FALEC: variants seen among roughly 807,000 people sequenced by gnomAD.
The protein encoded by FALEC is focally amplified lncRNA regulator of ECM1, also known as focally amplified lncRNA on chromosome 1.
At chr1:150,526,386 A>G in the FALEC span, among the ~76,000 whole-genome samples, 2 of 150,248 alleles carry the variant, frequency 1.3e-5, no homozygotes, top group Non-Finnish European at 3.0e-5. Flanking sequence ...TTTTGTAGAG[A>G]CAGGGTCTCG....
At chr1:150,529,453 G>A in the FALEC span, among the ~76,000 whole-genome samples, 3 of 152,222 alleles carry the variant, frequency 2.0e-5, no homozygotes, top group Non-Finnish European at 4.4e-5. Context: ...TGTTTTCCTT[G>A]TCCCCAAAAT....
downstream of FALEC, among the ~76,000 whole-genome samples, chr1:150,522,864 T>C (rs866890689): frequency 2.2e-3 from 227 of 103,276 alleles, 8 homozygotes; most frequent in Middle Eastern, 0.029. Context: ...TATATATATA[T>C]ACGTATATAT....
the FALEC span, among the ~76,000 whole-genome samples, chr1:150,523,790 A>G: frequency 3.9e-5 from 6 of 152,068 alleles, no homozygotes; most frequent in Non-Finnish European, 8.8e-5. Flanking sequence ...ATTTTATTTT[A>G]CAAGGCAGAA....
chr1:150,516,435 T>C (rs1373434918), intron 1 of FALEC, among the ~76,000 whole-genome samples: 1 of 152,170 alleles, frequency 6.6e-6, no homozygotes, highest in Non-Finnish European at 1.5e-5. Context: ...CGGAGAGCAC[T>C]TGTAAGCTAC....
chr1:150,525,465 C>A, the FALEC span, among the ~76,000 whole-genome samples: 7 of 151,854 alleles, frequency 4.6e-5, no homozygotes, highest in Non-Finnish European at 5.9e-5. Flanking sequence ...AAAAAACAAA[C>A]AAACAAACAA....
At chr1:150,527,780 G>A in the FALEC span, among the ~76,000 whole-genome samples, 5 of 152,046 alleles carry the variant, frequency 3.3e-5, no homozygotes, top group Admixed American at 1.3e-4. Context: ...AACCCGAGAG[G>A]CGGAGGTTTC....
At chr1:150,532,843 G>C in the FALEC span, among the ~76,000 whole-genome samples, 1 of 152,170 alleles carries the variant, frequency 6.6e-6, no homozygotes, top group African/African-American at 2.4e-5. Context: ...GTGCAACAGA[G>C]AAAAAGGGTG....
the FALEC span, among the ~76,000 whole-genome samples, chr1:150,534,236 A>G: frequency 6.6e-6 from 1 of 152,150 alleles, no homozygotes; most frequent in Non-Finnish European, 1.5e-5. Context: ...GAGCCCAAGG[A>G]GGCTGCAGCT....
At chr1:150,535,791 G>A in the FALEC span, among the ~76,000 whole-genome samples, 1 of 152,172 alleles carries the variant, frequency 6.6e-6, no homozygotes, top group Non-Finnish European at 1.5e-5. Context: ...CCACAAAAGG[G>A]CCCCAGAGTC....
chr1:150,523,125 C>G, the FALEC span, among the ~76,000 whole-genome samples: 1 of 142,958 alleles, frequency 7.0e-6, no homozygotes, highest in Admixed American at 7.1e-5. Flanking sequence ...GTAGCTGGGA[C>G]TACAGGCATG....
chr1:150,532,341 C>G, the FALEC span, among the ~76,000 whole-genome samples: 1 of 152,190 alleles, frequency 6.6e-6, no homozygotes, highest in African/African-American at 2.4e-5. Context: ...CCTGGGACCA[C>G]AGAGTTGGCT....
chr1:150,529,036 A>AAAAAAAAAAAAAAAAAAAAAG, the FALEC span, among the ~76,000 whole-genome samples: 1 of 150,998 alleles, frequency 6.6e-6, no homozygotes, highest in African/African-American at 2.5e-5. Context: ...AAAAAAAAAA[A>AAAAAAAAAAAAAAAAAAAAAG]AAATCAAAGG....
chr1:150,523,022 C>T (rs1416909792), downstream of FALEC, among the ~76,000 whole-genome samples: 2 of 107,516 alleles, frequency 1.9e-5, no homozygotes, highest in Non-Finnish European at 3.6e-5. Context: ...CTTGCTCTGT[C>T]ACCCAGGCTG....
At chr1:150,520,252 C>T (rs193005074), downstream of FALEC, among the ~76,000 whole-genome samples, 539 of 152,284 alleles carry the variant, frequency 3.5e-3, 6 homozygotes, top group Middle Eastern at 0.017. Context: ...ATTGTACAAC[C>T]GTCACCACTA....
downstream of FALEC, among the ~76,000 whole-genome samples, chr1:150,520,251 C>T (rs1406775547): frequency 6.6e-6 from 1 of 152,148 alleles, no homozygotes; most frequent in Non-Finnish European, 1.5e-5. Flanking sequence ...TATTGTACAA[C>T]CGTCACCACT....
At chr1:150,523,095 C>T in the FALEC span, among the ~76,000 whole-genome samples, 1 of 139,466 alleles carries the variant, frequency 7.2e-6, no homozygotes, top group African/African-American at 2.7e-5. Flanking sequence ...TCAAGCGATT[C>T]TCCTGCCTCA....
At chr1:150,528,733 C>T in the FALEC span, among the ~76,000 whole-genome samples, 1 of 151,714 alleles carries the variant, frequency 6.6e-6, no homozygotes, top group Non-Finnish European at 1.5e-5. Flanking sequence ...TACAGGTGCC[C>T]ACCACCACGC....
At chr1:150,526,703 G>A in the FALEC span, among the ~76,000 whole-genome samples, 6 of 151,778 alleles carry the variant, frequency 4.0e-5, no homozygotes, top group Admixed American at 1.3e-4. Flanking sequence ...GCGCAATCCC[G>A]GCTCACTGCA....
chr1:150,517,429 A>T (rs151049795), intron 1 of FALEC, among the ~76,000 whole-genome samples: 11 of 152,220 alleles, frequency 7.2e-5, no homozygotes, highest in Non-Finnish European at 1.0e-4. Context: ...GGCTGTGGTA[A>T]CTAAGGTAAG....
Sources: gnomAD v4.1 joint callset for allele counts (sites outside exome capture counted in the v4.1 genomes callset) on GRCh38, gnomAD v4.1.1 for gene constraint, MANE v1.5 for transcripts, NCBI Gene and HGNC (gene_info 2026-07-23, HGNC 2026-07-21) for gene names.